PCDH9: variants seen among roughly 807,000 people sequenced by gnomAD.
PCDH9 encodes protocadherin-9.
In PCDH9, 24 loss-of-function variants were observed where a neutral mutation model predicts 70.6. That is an observed-to-expected ratio of 0.34 (90% CI 0.25 to 0.48). The LOEUF (loss-of-function observed/expected upper bound fraction) is 0.48. Ranked by LOEUF, PCDH9 falls within the 20% of genes least tolerant of loss-of-function variation. The pLI is 0.99. For missense variants in PCDH9, 1,281 were observed against 1,503.6 expected (o/e 0.85, Z 2.45); for synonymous variants, 562 against 558.5 (o/e 1.01, Z -0.09).
chr13:66,509,545 C>A (rs1034436552), intron 4 of PCDH9, among the ~76,000 whole-genome samples: 1 of 152,166 alleles, frequency 6.6e-6, no homozygotes, highest in Non-Finnish European at 1.5e-5. Context: ...TCACCCCAAT[C>A]GTTAAAAATC....
At chr13:66,529,865 T>C (rs1489450734) in intron 4 of PCDH9, among the ~76,000 whole-genome samples, 1 of 146,486 alleles carries the variant, frequency 6.8e-6, no homozygotes, top group African/African-American at 2.5e-5. Context: ...GAAGGAGTTA[T>C]ATCACCATGC....
At chr13:66,737,714 C>T (rs530688969) in intron 3 of PCDH9, among the ~76,000 whole-genome samples, 47 of 152,250 alleles carry the variant, frequency 3.1e-4, no homozygotes, top group African/African-American at 5.8e-4. Flanking sequence ...GTTCCCTTTC[C>T]GAGTCAAAGA....
intron 3 of PCDH9, among the ~76,000 whole-genome samples, chr13:66,688,433 A>G (rs1338003247): frequency 6.6e-6 from 1 of 152,168 alleles, no homozygotes; most frequent in East Asian, 1.9e-4. Context: ...ATCTTACAGA[A>G]AAGTGTTTTT....
At chr13:67,120,882 C>T (rs1245484912) in intron 2 of PCDH9, among the ~76,000 whole-genome samples, 1 of 151,058 alleles carries the variant, frequency 6.6e-6, no homozygotes, top group African/African-American at 2.4e-5. Context: ...TTTTAAACAT[C>T]GGAAAAATAT....
At chr13:67,008,781 C>A (rs1330575126) in intron 2 of PCDH9, among the ~76,000 whole-genome samples, 1 of 152,038 alleles carries the variant, frequency 6.6e-6, no homozygotes, top group Non-Finnish European at 1.5e-5. Flanking sequence ...GTATACCTAT[C>A]AATGTAAGAG....
rs118191844 is a variant in PCDH9, at chr13:66,601,719, G to A, written c.3340+29491C>T. Among the ~76,000 whole-genome samples, 83 of 146,100 alleles carry A rather than the reference G, an allele frequency of 5.7e-4. 2 individuals carry two copies. The East Asian group carries it at 0.016, about 27-fold the overall frequency. Reference sequence around the variant, plus strand: ...TGCACTGCAGAAGACACTTCATTCAGTGATGGCCTGTGTATAGGATGTGAT... The same window carrying A: ...TGCACTGCAGAAGACACTTCATTCAATGATGGCCTGTGTATAGGATGTGAT... On this transcript the variant is annotated intron_variant, in intron 4 of 4. Coordinates refer to ENST00000377865, the MANE Select transcript of PCDH9 (RefSeq NM_203487.3).
intron 3 of PCDH9, among the ~76,000 whole-genome samples, chr13:66,672,571 C>T (rs913795024): frequency 1.3e-5 from 2 of 152,300 alleles, no homozygotes; most frequent in African/African-American, 4.8e-5. Flanking sequence ...CTCCAGACCC[C>T]AGAATGGTAG....
At chr13:66,352,942 TAAA>T (rs1956315684) in intron 4 of PCDH9, among the ~76,000 whole-genome samples, 1 of 152,128 alleles carries the variant, frequency 6.6e-6, no homozygotes, top group Non-Finnish European at 1.5e-5. Flanking sequence ...ATCTAGCCAT[TAAA>T]TGATAGCCAT....
chr13:66,637,075 A>G (rs2181534), intron 3 of PCDH9, among the ~76,000 whole-genome samples: 143,968 of 152,176 alleles, frequency 0.95, 68,653 homozygotes, highest in East Asian at 1. Flanking sequence ...ATTTAATTGT[A>G]ATTTATAAAT....
Position 66,551,037 on chromosome 13 carries a change from C to T in PCDH9, c.3340+80173G>A, listed in dbSNP as rs369892503. Among the ~76,000 whole-genome samples, 6 of 152,238 alleles carry T rather than the reference C, an allele frequency of 3.9e-5. No individual in the cohort carries two copies. The East Asian group carries it at 9.7e-4, about 25-fold the overall frequency. ...TGGCTAATCTACTTTCACAAGCTTT[C>T]CAGCTGGGGATTTCAAGTTGAGGGT... On this transcript the variant is annotated intron_variant, in intron 4 of 4. Transcript: ENST00000377865.
Position 66,367,170 on chromosome 13 carries a change from G to A in PCDH9, c.3341-62142C>T, listed in dbSNP as rs191390338. On this transcript the variant is annotated intron_variant, in intron 4 of 4. Coordinates refer to ENST00000377865, the MANE Select transcript of PCDH9 (RefSeq NM_203487.3). The stretch of plus-strand genomic sequence containing the variant: ...ACCAATGTTAAACGTATATTATGTA[G>A]GTTATTTATTCATTTTATTTCTCCT... 6.0e-3 allele frequency among the ~76,000 whole-genome samples: 908 copies of A among 151,940 alleles called. 6 individuals are homozygous for A. The highest frequency in any genetic ancestry group is 0.01 in the Non-Finnish European group (713 of 67,928).
intron 2 of PCDH9, among the ~76,000 whole-genome samples, chr13:66,992,356 G>A (rs2084020288): frequency 1.3e-5 from 2 of 152,062 alleles, no homozygotes; most frequent in Admixed American, 1.3e-4. Flanking sequence ...ACATGATATT[G>A]GGGAAATCAC....
intron 2 of PCDH9, among the ~76,000 whole-genome samples, chr13:67,163,604 G>T (rs2088024014): frequency 6.6e-6 from 1 of 152,104 alleles, no homozygotes; most frequent in Non-Finnish European, 1.5e-5. Context: ...ACAATTTCTG[G>T]TTTTAGTTAA....
intron 3 of PCDH9, among the ~76,000 whole-genome samples, chr13:66,639,223 A>C (rs1473343552): frequency 6.6e-6 from 1 of 152,194 alleles, no homozygotes; most frequent in Non-Finnish European, 1.5e-5. Context: ...GTTTGAGGAT[A>C]GAGCTGTCAG....
chr13:66,635,076 T>C (rs1020561968), intron 3 of PCDH9, among the ~76,000 whole-genome samples: 2 of 152,224 alleles, frequency 1.3e-5, no homozygotes, highest in African/African-American at 4.8e-5. Flanking sequence ...TTCATCTTTA[T>C]GGAAATAAGC....
At chr13:66,470,183 CT>C (rs1486225773) in intron 4 of PCDH9, among the ~76,000 whole-genome samples, 1 of 152,048 alleles carries the variant, frequency 6.6e-6, no homozygotes, top group Non-Finnish European at 1.5e-5. Flanking sequence ...CATGACCTTC[CT>C]TGCTAGTTTG....
intron 3 of PCDH9, among the ~76,000 whole-genome samples, chr13:66,664,665 T>C (rs1178772124): frequency 2.0e-5 from 3 of 152,218 alleles, no homozygotes; most frequent in South Asian, 4.1e-4. Flanking sequence ...TCCTTTAAAC[T>C]ATGATATATA....
At chr13:66,383,984 G>T (rs768341998) in intron 4 of PCDH9, among the ~76,000 whole-genome samples, 1 of 152,042 alleles carries the variant, frequency 6.6e-6, no homozygotes, top group Non-Finnish European at 1.5e-5. Flanking sequence ...AATCTAAACT[G>T]CATCACTGTA....
At chr13:66,860,691 C>G (rs2081468379) in intron 3 of PCDH9, among the ~76,000 whole-genome samples, 1 of 152,166 alleles carries the variant, frequency 6.6e-6, no homozygotes. Context: ...GAGACTGAGC[C>G]TACCTTAGAG....
Sources: allele counts gnomAD v4.1 joint callset (sites outside exome capture counted in the v4.1 genomes callset), GRCh38; gene constraint gnomAD v4.1.1; transcripts MANE v1.5; gene names NCBI Gene and HGNC (gene_info 2026-07-23, HGNC 2026-07-21).